SCARA5: variants seen among roughly 807,000 people sequenced by gnomAD.
SCARA5 encodes the protein scavenger receptor class A, member 5 (putative).
A neutral mutation model predicts 46.3 loss-of-function variants in SCARA5; 45 were observed. The observed-to-expected ratio is 0.97, with a 90% confidence interval of 0.76 to 1.24. The LOEUF (loss-of-function observed/expected upper bound fraction) is 1.24, where lower values mean the gene tolerates loss of function less well. Ranked by LOEUF, SCARA5 falls within the 50% of genes most tolerant of loss-of-function variation. The pLI, the probability that SCARA5 is intolerant of heterozygous loss-of-function variation, is 0.00. For synonymous variants in SCARA5, 333 were observed against 306.5 expected (o/e 1.09, Z -0.90); for missense variants, 680 against 689.0 (o/e 0.99, Z 0.15).
chr8:27,907,499 C>T (rs1406099522), intron 5 of SCARA5, among the ~76,000 whole-genome samples: 5 of 151,312 alleles, frequency 3.3e-5, no homozygotes, highest in Non-Finnish European at 5.9e-5. Context: ...TTGTGAGTGA[C>T]GGTGGGGGTG....
intron 8 of SCARA5, among the ~76,000 whole-genome samples, chr8:27,877,357 AG>A (rs1197589588): frequency 6.6e-6 from 1 of 152,196 alleles, no homozygotes; most frequent in Admixed American, 6.5e-5. Context: ...CCTATCGACC[AG>A]TTTAAAGAAT....
chr8:27,949,477 T>C (rs969613464), intron 3 of SCARA5, among the ~76,000 whole-genome samples: 8 of 152,232 alleles, frequency 5.3e-5, no homozygotes, highest in African/African-American at 1.7e-4. Context: ...AATATGATTA[T>C]TACTGTAACC....
At chr8:27,963,100 A>T (rs973719965) in intron 3 of SCARA5, among the ~76,000 whole-genome samples, 1 of 152,114 alleles carries the variant, frequency 6.6e-6, no homozygotes, top group Non-Finnish European at 1.5e-5. Flanking sequence ...TCATTTCCAC[A>T]GTGAGAATTC....
chr8:27,980,366 A>G (rs1808594527), intron 2 of SCARA5, among the ~76,000 whole-genome samples: 1 of 152,072 alleles, frequency 6.6e-6, no homozygotes, highest in African/African-American at 2.4e-5. Context: ...CCACCTGCCC[A>G]CCCAGGGCTC....
At chr8:27,967,126 G>A (rs941455016) in intron 2 of SCARA5, among the ~76,000 whole-genome samples, 1 of 152,184 alleles carries the variant, frequency 6.6e-6, no homozygotes, top group African/African-American at 2.4e-5. Context: ...AAAACACTGG[G>A]GAGTGTAAAC....
intron 3 of SCARA5, among the ~76,000 whole-genome samples, chr8:27,949,002 A>G (rs1479822807): frequency 6.6e-6 from 1 of 152,264 alleles, no homozygotes; most frequent in Non-Finnish European, 1.5e-5. Context: ...GGAGCCCACA[A>G]TTGGCTTGGT....
intron 7 of SCARA5, among the ~76,000 whole-genome samples, chr8:27,895,313 G>C (rs1342964869): frequency 6.6e-6 from 1 of 152,204 alleles, no homozygotes; most frequent in African/African-American, 2.4e-5. Flanking sequence ...AGGCACAGGG[G>C]CTCTGCTGAG....
chr8:27,920,730 T>C (rs1353467711), intron 4 of SCARA5, among the ~76,000 whole-genome samples: 2 of 152,112 alleles, frequency 1.3e-5, no homozygotes, highest in African/African-American at 2.4e-5. Flanking sequence ...GAGGATCACT[T>C]AAGCCCAGGA....
At chr8:27,970,653 G>A (rs1190665247) in intron 2 of SCARA5, among the ~76,000 whole-genome samples, 1 of 152,136 alleles carries the variant, frequency 6.6e-6, no homozygotes, top group Non-Finnish European at 1.5e-5. Context: ...TGCTACTGCC[G>A]TGCACTGCCA....
chr8:27,955,134 CCA>C (rs1346871362), intron 3 of SCARA5, among the ~76,000 whole-genome samples: 3 of 152,144 alleles, frequency 2.0e-5, no homozygotes, highest in African/African-American at 7.2e-5. Flanking sequence ...TCCAGGGGCT[CCA>C]GAGACCCCTC....
At chr8:27,894,573 A>G (rs530477173) in intron 7 of SCARA5, among the ~76,000 whole-genome samples, 3 of 152,334 alleles carry the variant, frequency 2.0e-5, no homozygotes, top group Admixed American at 1.3e-4. Flanking sequence ...TGCACAGCCA[A>G]GGCTGAGAAG....
At chr8:27,900,079 A>G (rs1376147288) in intron 7 of SCARA5, among the ~76,000 whole-genome samples, 3 of 152,044 alleles carry the variant, frequency 2.0e-5, no homozygotes, top group Non-Finnish European at 4.4e-5. Context: ...CGGAGGTTGC[A>G]GTGAGCCGAG....
At chr8:27,964,243 A>G (rs189267810) in intron 3 of SCARA5, among the ~76,000 whole-genome samples, 1 of 152,272 alleles carries the variant, frequency 6.6e-6, no homozygotes, top group Non-Finnish European at 1.5e-5. Context: ...GGCCAGCATG[A>G]TTCTCCAGAC....
Position 27,927,508 on chromosome 8 carries a change from ATATTAT to A in SCARA5, c.242-5269_242-5264del, listed in dbSNP as rs1432957466. ...TGATTTCTGGGTTTTTTCCCACCTA[ATATTAT>A]TATTATATTGTAATCATTTTATAAG... On this transcript the variant is annotated intron_variant, in intron 3 of 8. Transcript: ENST00000354914. 7.9e-5 allele frequency among the ~76,000 whole-genome samples: 12 copies of A among 151,748 alleles called. No individual in the cohort carries two copies. The East Asian group carries it at 2.1e-3, about 27-fold the overall frequency.
intron 4 of SCARA5, among the ~76,000 whole-genome samples, chr8:27,919,998 C>T (rs375963850): frequency 2.7e-5 from 4 of 150,762 alleles, no homozygotes; most frequent in South Asian, 2.1e-4. Flanking sequence ...AGGGGGATGA[C>T]GTGGGAGAAG....
In SCARA5 at chr8:27,966,457, G is replaced by T. The variant is rs1265737151; in HGVS notation, c.198C>A (p.Tyr66Ter). 1 of 1,613,524 alleles carries T rather than the reference G, an allele frequency of 6.2e-7. No homozygotes were observed. The highest frequency in any genetic ancestry group is 2.2e-5 in the East Asian group (1 of 44,858). ...SALKHAVLGL[Y>*]LLVFLILVGI... ...CCACAAGAATCAGGAAGACCAGCAG[G>T]TAGAGCCCCAGGACAGCATGCTTCA... Residue 66 changes from tyrosine (Y) to a stop codon, truncating the protein, a stop_gained, in exon 3 of 9, where the codon TAC becomes TAA. Transcript: ENST00000354914. LOFTEE classifies it high-confidence loss of function.
At chr8:27,901,442 G>C (rs1053377521) in intron 7 of SCARA5, among the ~76,000 whole-genome samples, 1 of 152,112 alleles carries the variant, frequency 6.6e-6, no homozygotes, top group Non-Finnish European at 1.5e-5. Context: ...AGATCCTACG[G>C]TGGGGCTTCC....
At chr8:27,973,092 G>T (rs540997829) in intron 2 of SCARA5, among the ~76,000 whole-genome samples, 2 of 152,216 alleles carry the variant, frequency 1.3e-5, no homozygotes, top group African/African-American at 4.8e-5. Flanking sequence ...TTGTGGCAAA[G>T]ACTGTCTATT....
intron 1 of SCARA5, among the ~76,000 whole-genome samples, chr8:27,988,322 T>C (rs1446774958): frequency 6.6e-6 from 1 of 152,194 alleles, no homozygotes; most frequent in Non-Finnish European, 1.5e-5. Context: ...TCTGTCTGCA[T>C]GGCCCCCAGA....
Sources: allele counts gnomAD v4.1 joint callset (sites outside exome capture counted in the v4.1 genomes callset), GRCh38; gene constraint gnomAD v4.1.1; transcripts MANE v1.5; gene names NCBI Gene and HGNC (gene_info 2026-07-23, HGNC 2026-07-21).